The following CABLES1 variants were observed in gnomAD, a reference collection of about 807,000 sequenced individuals.
CABLES1 encodes CDK5 and ABL1 enzyme substrate 1.
A neutral mutation model predicts 57.8 loss-of-function variants in CABLES1; 36 were observed. The ratio of observed to expected loss-of-function variants is 0.62; its 90% CI spans 0.48 to 0.82. The LOEUF is 0.82. Ranked by LOEUF, CABLES1 falls within the 40% of genes least tolerant of loss-of-function variation. The probability of loss-of-function intolerance (pLI) is 0.00; values close to 1 mark genes in which losing one functional copy is unlikely to be tolerated. For synonymous variants in CABLES1, 374 were observed against 363.0 expected, an observed-to-expected ratio of 1.03 and a Z score of -0.35; for missense variants, 767 against 836.6, an observed-to-expected ratio of 0.92 and a Z score of 1.03.
intron 1 of CABLES1, among the ~76,000 whole-genome samples, chr18:23,140,612 T>A (rs527506102): frequency 6.6e-6 from 1 of 152,164 alleles, no homozygotes; most frequent in South Asian, 2.1e-4. Context: ...GATTTTGGTA[T>A]TTTTTAGTAG....
chr18:23,169,770 C>T (rs1340447502), intron 1 of CABLES1, among the ~76,000 whole-genome samples: 3 of 152,194 alleles, frequency 2.0e-5, no homozygotes, highest in African/African-American at 7.2e-5. Flanking sequence ...TTCTGGAGAC[C>T]TCATCAGAAT....
chr18:23,147,578 C>G (rs1237284428), intron 1 of CABLES1, among the ~76,000 whole-genome samples: 2 of 152,324 alleles, frequency 1.3e-5, no homozygotes, highest in African/African-American at 2.4e-5. Context: ...GGAGCTGATC[C>G]TGAACAGCTA....
chr18:23,209,038 C>A (rs775397835), intron 3 of CABLES1, among the ~76,000 whole-genome samples: 1 of 152,236 alleles, frequency 6.6e-6, no homozygotes, highest in African/African-American at 2.4e-5. Context: ...TCTGCAAAGA[C>A]ACTACAGCAG....
intron 4 of CABLES1, among the ~76,000 whole-genome samples, chr18:23,222,318 C>G (rs1354856493): frequency 6.6e-6 from 1 of 152,014 alleles, no homozygotes; most frequent in East Asian, 1.9e-4. Context: ...CACTAAGAGC[C>G]CCTTCCTGTC....
chr18:23,248,096 C>G (rs749206754), intron 7 of CABLES1, among the ~76,000 whole-genome samples: 1 of 152,252 alleles, frequency 6.6e-6, no homozygotes, highest in Admixed American at 6.5e-5. Flanking sequence ...GGGCCTGGCG[C>G]GCTCTGCCAC....
At chr18:23,206,158 C>T (rs542256365) in intron 3 of CABLES1, among the ~76,000 whole-genome samples, 300 of 152,306 alleles carry the variant, frequency 2.0e-3, no homozygotes, top group African/African-American at 6.9e-3. Flanking sequence ...TCCCTGCCCA[C>T]CGTCCTCCCG....
chr18:23,238,162 A>C (rs2047651792), intron 7 of CABLES1, among the ~76,000 whole-genome samples: 1 of 152,200 alleles, frequency 6.6e-6, no homozygotes, highest in Non-Finnish European at 1.5e-5. Flanking sequence ...TTAGGAGTGA[A>C]CCAGGGGGTC....
intron 1 of CABLES1, among the ~76,000 whole-genome samples, chr18:23,142,651 A>G (rs1003823327): frequency 1.3e-5 from 2 of 152,212 alleles, no homozygotes; most frequent in Admixed American, 1.3e-4. Flanking sequence ...ATTGAACACA[A>G]TGAGTATCAA....
In CABLES1 at chr18:23,257,502, C is replaced by A; in HGVS notation, c.*135C>A. 9.7e-7 allele frequency: 1 copy of A among 1,031,774 alleles called. No individual in the cohort carries two copies. The highest frequency in any genetic ancestry group is 1.4e-6 in the Non-Finnish European group (1 of 739,936). The allele number at this position is 1,031,774 out of a possible 1,614,324, so 63.9% of individuals were successfully genotyped here. On this transcript the variant is annotated 3_prime_UTR_variant, in exon 10 of 10. Transcript: ENST00000256925. ...CCTCTCGACATAGTTTGGGGAGAAG[C>A]AGTACTAGAAACTTTCCAAGGAGTC...
intron 4 of CABLES1, chr18:23,219,344 G>C (rs1568073048): frequency 4.4e-6 from 2 of 454,038 alleles, no homozygotes; most frequent in Non-Finnish European, 8.8e-6. Flanking sequence ...GATTAGAGCA[G>C]AGGAAGGAGT....
Position 23,136,345 on chromosome 18 carries a change from C to A in CABLES1, c.583C>A (p.Gln195Lys). The change falls in exon 1 of 10, where the codon CAG becomes AAG. Residue 195 changes from glutamine (Q) to lysine (K), a missense_variant. By Grantham distance (53) the Gln-to-Lys change is moderately conservative. This residue lies in a region of CABLES1 where 529 missense variants were observed against 622.8 expected (regional missense o/e 0.85). Transcript: ENST00000256925. ...GCCTCTCGCCGCCTGTGCCCAACTG[C>A]AGCTGCTCGACGGGTCCGGGGCCGC... ...PAPLAACAQL[Q>K]LLDGSGAAGQ... The A allele has an allele frequency of 6.8e-7, 1 of 1,466,392 alleles. No homozygotes were observed. The highest frequency in any genetic ancestry group is 1.4e-5 in the South Asian group (1 of 72,808). The allele number at this position is 1,466,392 out of a possible 1,614,324, so 90.8% of individuals were successfully genotyped here.
intron 1 of CABLES1, among the ~76,000 whole-genome samples, chr18:23,157,075 A>G (rs1052046281): frequency 2.6e-5 from 4 of 152,194 alleles, no homozygotes; most frequent in African/African-American, 7.2e-5. Context: ...ATGAGTGTCC[A>G]TTTTGGGGTT....
At chr18:23,203,862 T>G (rs1298854138) in intron 3 of CABLES1, among the ~76,000 whole-genome samples, 1 of 152,194 alleles carries the variant, frequency 6.6e-6, no homozygotes, top group Non-Finnish European at 1.5e-5. Flanking sequence ...GAGCTGGCTT[T>G]TTTTCCTCTC....
intron 1 of CABLES1, among the ~76,000 whole-genome samples, chr18:23,155,620 T>C (rs1484676854): frequency 6.6e-6 from 1 of 152,226 alleles, no homozygotes; most frequent in Non-Finnish European, 1.5e-5. Context: ...TGTCCAGAGC[T>C]GGTAGCTTCA....
At chr18:23,175,951 GAATA>G (rs2047120245) in intron 1 of CABLES1, among the ~76,000 whole-genome samples, 1 of 152,098 alleles carries the variant, frequency 6.6e-6, no homozygotes, top group Non-Finnish European at 1.5e-5. Flanking sequence ...TAAAAAAAAA[GAATA>G]AAGTCAACCA....
At chr18:23,246,552 C>CT (rs2047891976) in intron 7 of CABLES1, among the ~76,000 whole-genome samples, 1 of 151,118 alleles carries the variant, frequency 6.6e-6, no homozygotes, top group Non-Finnish European at 1.5e-5. Context: ...CCACCACACC[C>CT]GGCTAATTTT....
chr18:23,146,652 A>AT (rs2046893099), intron 1 of CABLES1, among the ~76,000 whole-genome samples: 1 of 152,244 alleles, frequency 6.6e-6, no homozygotes, highest in African/African-American at 2.4e-5. Context: ...TGATAGTATT[A>AT]TAAGTTCTGT....
rs1490537304 is a variant in CABLES1, at chr18:23,194,526, T to A, written c.996T>A (p.Asp332Glu). Residue 332 changes from aspartate to glutamate, a missense_variant, in exon 3 of 10, where the codon GAT becomes GAA. Coordinates refer to ENST00000256925, the MANE Select transcript of CABLES1 (RefSeq NM_001100619.3). ...IHFIKNMRQH[D>E]TRNGRIVLIS... ...TTATCAAGAACATGCGGCAACACGA[T>A]ACCAGGAATGGCAGGTACTACATTC... 6.2e-7 allele frequency: 1 copy of A among 1,610,200 alleles called. No homozygotes were observed. Among genetic ancestry groups the A allele is most frequent in the African/African-American group, 1.3e-5 (1 of 74,872 alleles).
Position 23,136,465 on chromosome 18 carries a change from G to C in CABLES1, c.703G>C (p.Gly235Arg). 1 of 1,603,984 alleles carries C rather than the reference G, an allele frequency of 6.2e-7. No homozygotes were observed. Among genetic ancestry groups the C allele is most frequent in the Non-Finnish European group, 8.5e-7 (1 of 1,177,422 alleles). ...CTCCGGGACCCCCGGGAGTGGGAGC[G>C]GCAGTCGGGGACGCCTCAACTCGTT... ...LGSGTPGSGS[G>R]SRGRLNSFTQ... Residue 235 changes from glycine to arginine, a missense_variant, in exon 1 of 10, where the codon GGC becomes CGC. Physicochemically the swap from Gly to Arg is moderately radical, Grantham distance 125 (BLOSUM62 -2). This residue lies in a region of CABLES1 where 529 missense variants were observed against 622.8 expected (regional missense o/e 0.85). Transcript: ENST00000256925.
Sources: gnomAD v4.1 joint callset for allele counts (sites outside exome capture counted in the v4.1 genomes callset) on GRCh38, gnomAD v4.1.1 for gene constraint, gnomAD v4.1.1 regional missense constraint, MANE v1.5 for transcripts, NCBI Gene and HGNC (gene_info 2026-07-23, HGNC 2026-07-21) for gene names.